TM4SF5: variants seen among roughly 807,000 people sequenced by gnomAD.
TM4SF5 encodes the protein transmembrane 4 L6 family member 5.
TM4SF5 carries 16 observed loss-of-function variants against 22.3 expected under a neutral mutation model. The ratio of observed to expected loss-of-function variants is 0.72; its 90% CI spans 0.49 to 1.09. The LOEUF is 1.09. Among genes scored for constraint, TM4SF5 ranks in the 50% least tolerant of loss-of-function variants. The pLI, the probability that TM4SF5 is intolerant of heterozygous loss-of-function variation, is 0.00. For synonymous variants in TM4SF5, 113 were observed against 109.6 expected (o/e 1.03, Z -0.19); for missense variants, 249 against 266.1 (o/e 0.94, Z 0.45).
Position 4,782,850 on chromosome 17 carries a change from A to G in TM4SF5, c.396-4A>G, listed in dbSNP as rs763217269. On this transcript the variant is annotated splice_polypyrimidine_tract_variant and splice_region_variant and intron_variant, in intron 3 of 4. Transcript: ENST00000270560. ...TCTCCCACGTGGCCTCACCCCTCCCACAGGGGAGCTTACTTGCTCAACCGC... is the reference window on the plus strand; with the variant it reads ...TCTCCCACGTGGCCTCACCCCTCCCGCAGGGGAGCTTACTTGCTCAACCGC... The G allele has an allele frequency of 1.1e-5, 18 of 1,610,564 alleles. No homozygotes were observed. Among genetic ancestry groups the G allele is most frequent in the Non-Finnish European group, 1.4e-5 (17 of 1,178,060 alleles).
chr17:4,781,133 TTTAAAAAAAAAAA>T (rs1392773363), intron 2 of TM4SF5, among the ~76,000 whole-genome samples: 1 of 122,534 alleles, frequency 8.2e-6, no homozygotes, highest in Non-Finnish European at 1.6e-5. Context: ...TAAGCAGTGA[TTTAAAAAAAAAAA>T]AAAAAAAAAA....
At chr17:4,780,977 T>C in intron 2 of TM4SF5, 108 bp downstream of exon 2, 1 of 909,546 alleles carries the variant, frequency 1.1e-6, no homozygotes, top group Non-Finnish European at 1.7e-6. Flanking sequence ...CCAGGAGTTC[T>C]AGACCAGCCC....
chr17:4,778,174 G>A (rs779284846), intron 1 of TM4SF5, among the ~76,000 whole-genome samples: 55 of 152,204 alleles, frequency 3.6e-4, no homozygotes, highest in Middle Eastern at 6.3e-3. Context: ...TAAGGTGTCA[G>A]CATGGGTCCT....
At chr17:4,777,654 G>A (rs1917232160) in intron 1 of TM4SF5, among the ~76,000 whole-genome samples, 1 of 152,052 alleles carries the variant, frequency 6.6e-6, no homozygotes, top group African/African-American at 2.4e-5. Context: ...GGAGGCCGAA[G>A]CAGGCTGATC....
Position 4,772,117 on chromosome 17 carries a change from G to A in TM4SF5, c.177+18G>A, listed in dbSNP as rs1917121662. On this transcript the variant is annotated intron_variant, in intron 1 of 4. Coordinates refer to ENST00000270560, the MANE Select transcript of TM4SF5 (RefSeq NM_003963.3). ...GCCTAATGGTGAGAAGGCTGGCAGG[G>A]GAGCCCGGGCCAGCTGGCTGGGTGC... 2 of 1,614,006 alleles carry A rather than the reference G, an allele frequency of 1.2e-6. No homozygotes were observed. The highest frequency in any genetic ancestry group is 2.2e-5 in the East Asian group (1 of 44,878).
At chr17:4,782,750 C>A in intron 3 of TM4SF5, 104 bp from the exon 4 acceptor site, 8 of 1,570,620 alleles carry the variant, frequency 5.1e-6, no homozygotes, top group Non-Finnish European at 6.1e-6. Flanking sequence ...ACTCGCTCCA[C>A]GTGGGCTACC....
Position 4,780,792 on chromosome 17 carries a change from C to G in TM4SF5, c.181C>G (p.Leu61Val). Reference sequence around the variant, plus strand: ...AACAATGACTCTTGTCCCACAGGTACTGTGTCCGGGGATTGCAGCCGTTCG... The same window carrying G: ...AACAATGACTCTTGTCCCACAGGTAGTGTGTCCGGGGATTGCAGCCGTTCG... ...GGFIGGGLMV[L>V]CPGIAAVRAG... is the part of the protein sequence containing the mutation. The change falls in exon 2 of 5, where the codon CTG (leucine) becomes GTG (valine). Residue 61 changes from leucine (L) to valine (V), a missense_variant. Physicochemically the swap from Leu to Val is conservative, Grantham distance 32. Coordinates refer to ENST00000270560, the MANE Select transcript of TM4SF5 (RefSeq NM_003963.3). 2 of 1,610,014 alleles carry G rather than the reference C, an allele frequency of 1.2e-6. No homozygotes were observed. Among genetic ancestry groups the G allele is most frequent in the Non-Finnish European group, 1.7e-6 (2 of 1,178,040 alleles).
At chr17:4,773,106 C>T (rs967491460) in intron 1 of TM4SF5, among the ~76,000 whole-genome samples, 8 of 152,116 alleles carry the variant, frequency 5.3e-5, no homozygotes, top group South Asian at 4.2e-4. Flanking sequence ...GGTTTCGCCA[C>T]GTTGGCTAGG....
At chr17:4,782,380 T>TA (rs1422650325) in intron 2 of TM4SF5, 123 bp from the exon 3 acceptor site, 1 of 1,275,316 alleles carries the variant, frequency 7.8e-7, no homozygotes, top group South Asian at 1.3e-5. Context: ...CGCCCGGCAT[T>TA]AAAAAATACA....
At chr17:4,773,153 C>G (rs898333383) in intron 1 of TM4SF5, among the ~76,000 whole-genome samples, 1 of 152,126 alleles carries the variant, frequency 6.6e-6, no homozygotes, top group Non-Finnish European at 1.5e-5. Context: ...GATCCGCCCC[C>G]CTCGGCCTCC....
chr17:4,772,718 G>T (rs1042070761), intron 1 of TM4SF5, among the ~76,000 whole-genome samples: 176 of 140,680 alleles, frequency 1.3e-3, no homozygotes, highest in African/African-American at 4.0e-3. Context: ...TTTGTTTTTT[G>T]TTTTTTTTTT....
intron 1 of TM4SF5, among the ~76,000 whole-genome samples, chr17:4,774,460 G>A (rs1197002651): frequency 6.6e-6 from 1 of 151,848 alleles, no homozygotes; most frequent in Non-Finnish European, 1.5e-5. Context: ...TGTAGTCCTA[G>A]TTTGGGCCCA....
intron 1 of TM4SF5, among the ~76,000 whole-genome samples, chr17:4,772,546 G>A (rs1029479292): frequency 7.9e-5 from 12 of 152,144 alleles, no homozygotes; most frequent in African/African-American, 2.2e-4. Flanking sequence ...TTGCCTCCAC[G>A]TCCATTCACT....
At chr17:4,772,762 C>A (rs1350202377) in intron 1 of TM4SF5, among the ~76,000 whole-genome samples, 2 of 149,944 alleles carry the variant, frequency 1.3e-5, no homozygotes, top group African/African-American at 4.9e-5. Context: ...GTTGCCCAGG[C>A]TGGAGTGTGG....
rs186106344 is a variant in TM4SF5 at position 4,774,491 on chromosome 17, G to T, written c.177+2392G>T. 6.6e-5 allele frequency among the ~76,000 whole-genome samples: 10 copies of T among 152,154 alleles called. No homozygotes were observed. The South Asian group carries it at 2.1e-3, about 32-fold the overall frequency. ...GCCCAGAAATGAAAGATTGCAGTGA[G>T]CTATGACCACGCGCCACTGCACTCC... On this transcript the variant is annotated intron_variant, in intron 1 of 4. Transcript: ENST00000270560.
chr17:4,781,330 CA>C (rs1184616277), intron 2 of TM4SF5, among the ~76,000 whole-genome samples: 2 of 142,448 alleles, frequency 1.4e-5, no homozygotes, highest in Admixed American at 1.4e-4. Context: ...AACTCTGTCT[CA>C]AAAAAAAGAA....
At chr17:4,772,953 G>A (rs1455571044) in intron 1 of TM4SF5, among the ~76,000 whole-genome samples, 3 of 152,048 alleles carry the variant, frequency 2.0e-5, no homozygotes, top group Admixed American at 6.6e-5. Context: ...CGCCCAGGCT[G>A]GAGTGCAGTG....
At chr17:4,776,993 T>G (rs989508052) in intron 1 of TM4SF5, among the ~76,000 whole-genome samples, 1 of 150,782 alleles carries the variant, frequency 6.6e-6, no homozygotes, top group Non-Finnish European at 1.5e-5. Flanking sequence ...AGGTCAGGAG[T>G]TCGAGACCAG....
intron 1 of TM4SF5, among the ~76,000 whole-genome samples, chr17:4,777,074 G>A (rs941773295): frequency 6.6e-6 from 1 of 151,830 alleles, no homozygotes; most frequent in Non-Finnish European, 1.5e-5. Context: ...GTGCATGCCT[G>A]TAATCCCAGC....
Sources: allele counts gnomAD v4.1 joint callset (sites outside exome capture counted in the v4.1 genomes callset), GRCh38; gene constraint gnomAD v4.1.1; transcripts MANE v1.5; gene names NCBI Gene and HGNC (gene_info 2026-07-23, HGNC 2026-07-21).